CARMIL1: variants seen among roughly 807,000 people sequenced by gnomAD.
CARMIL1 encodes capping protein regulator and myosin 1 linker 1.
Under a neutral mutation model 177.1 loss-of-function variants are expected in CARMIL1, and 90 were observed. That is an observed-to-expected ratio of 0.51 (90% confidence interval 0.43 to 0.61). CARMIL1 has a LOEUF of 0.61. Ranked by LOEUF, CARMIL1 falls within the 20% of genes least tolerant of loss-of-function variation. The pLI is 0.00. For synonymous variants in CARMIL1, 577 were observed against 606.2 expected (o/e 0.95, Z 0.71); for missense variants, 1,380 against 1,667.0 (o/e 0.83, Z 3.00).
At chr6:25,492,593 T>C (rs1803353237) in intron 15 of CARMIL1, among the ~76,000 whole-genome samples, 1 of 152,210 alleles carries the variant, frequency 6.6e-6, no homozygotes, top group Non-Finnish European at 1.5e-5. Flanking sequence ...ATGGGTTAGA[T>C]AGGTATGGAA....
intron 32 of CARMIL1, among the ~76,000 whole-genome samples, chr6:25,598,193 T>A (rs1273937910): frequency 6.6e-6 from 1 of 152,120 alleles, no homozygotes; most frequent in Admixed American, 6.5e-5. Flanking sequence ...AAATTATTTC[T>A]TTCATAATTT....
At chr6:25,501,944 G>T (rs1804394860) in intron 17 of CARMIL1, among the ~76,000 whole-genome samples, 1 of 130,068 alleles carries the variant, frequency 7.7e-6, no homozygotes, top group Non-Finnish European at 1.6e-5. Flanking sequence ...TAACAGTCTT[G>T]TTGTTTTGAA....
chr6:25,504,378 T>C (rs1310916904), intron 17 of CARMIL1, among the ~76,000 whole-genome samples: 1 of 152,198 alleles, frequency 6.6e-6, no homozygotes, highest in Non-Finnish European at 1.5e-5. Flanking sequence ...ATAAGTTGGC[T>C]TGTAGGTTCT....
At chr6:25,472,880 CT>C (rs1268591762) in intron 11 of CARMIL1, among the ~76,000 whole-genome samples, 2 of 152,176 alleles carry the variant, frequency 1.3e-5, no homozygotes, top group Non-Finnish European at 2.9e-5. Context: ...TAGCTGGGTT[CT>C]GTGCTCTGGG....
intron 26 of CARMIL1, among the ~76,000 whole-genome samples, chr6:25,547,272 A>G (rs1305687755): frequency 6.6e-6 from 1 of 152,174 alleles, no homozygotes; most frequent in African/African-American, 2.4e-5. Flanking sequence ...TGATAATTCT[A>G]ATAGACATTC....
intron 31 of CARMIL1, among the ~76,000 whole-genome samples, chr6:25,590,560 G>T (rs1814195569): frequency 6.6e-6 from 1 of 151,996 alleles, no homozygotes; most frequent in Non-Finnish European, 1.5e-5. Flanking sequence ...AATAGAGATT[G>T]TCTCTTCCTC....
chr6:25,300,917 A>G (rs943107066), intron 2 of CARMIL1, among the ~76,000 whole-genome samples: 1 of 152,248 alleles, frequency 6.6e-6, no homozygotes, highest in Non-Finnish European at 1.5e-5. Flanking sequence ...AACCTGCTAT[A>G]TACAGAACTT....
intron 8 of CARMIL1, among the ~76,000 whole-genome samples, chr6:25,459,254 C>CT (rs1166150035): frequency 3.6e-5 from 4 of 110,180 alleles, no homozygotes; most frequent in Non-Finnish European, 5.5e-5. Context: ...TTCTTTCTTT[C>CT]TTTCTTTCTT....
intron 26 of CARMIL1, among the ~76,000 whole-genome samples, chr6:25,546,680 A>C (rs1179467833): frequency 1.2e-4 from 18 of 146,146 alleles, no homozygotes; most frequent in South Asian, 4.4e-4. Context: ...AAAAAAAAAA[A>C]AAAAAAAAAA....
chr6:25,440,567 G>C (rs1014558793), intron 5 of CARMIL1, among the ~76,000 whole-genome samples: 2 of 152,074 alleles, frequency 1.3e-5, no homozygotes, highest in African/African-American at 2.4e-5. Context: ...GAGGGGAAAC[G>C]TACAATTTTA....
intron 2 of CARMIL1, among the ~76,000 whole-genome samples, chr6:25,330,846 A>T (rs1785550502): frequency 6.7e-6 from 1 of 148,736 alleles, no homozygotes; most frequent in Non-Finnish European, 1.5e-5. Flanking sequence ...ATTGAGGAAG[A>T]TTGATCAATT....
intron 2 of CARMIL1, among the ~76,000 whole-genome samples, chr6:25,370,815 A>G (rs1018950205): frequency 6.6e-6 from 1 of 152,136 alleles, no homozygotes. Flanking sequence ...TTTTGGTTAC[A>G]CGGACAAATT....
intron 2 of CARMIL1, among the ~76,000 whole-genome samples, chr6:25,403,880 C>T (rs1794108064): frequency 6.6e-6 from 1 of 152,200 alleles, no homozygotes; most frequent in African/African-American, 2.4e-5. Flanking sequence ...CCTGTATAAT[C>T]TCCTTTGAAT....
intron 23 of CARMIL1, among the ~76,000 whole-genome samples, chr6:25,526,316 C>T (rs1807129391): frequency 6.6e-6 from 1 of 151,226 alleles, no homozygotes; most frequent in Admixed American, 6.6e-5. Context: ...GCCCTCCAGC[C>T]TGGGCGACAG....
chr6:25,296,651 A>G (rs1397658368), intron 2 of CARMIL1, among the ~76,000 whole-genome samples: 1 of 151,920 alleles, frequency 6.6e-6, no homozygotes, highest in Non-Finnish European at 1.5e-5. Context: ...CACTTGCAGA[A>G]TCTGAGCTAA....
chr6:25,584,901 A>G (rs764188760), intron 31 of CARMIL1, among the ~76,000 whole-genome samples: 37 of 152,234 alleles, frequency 2.4e-4, no homozygotes, highest in Non-Finnish European at 3.8e-4. Flanking sequence ...AACCTCATCA[A>G]TCTGTTCTAG....
At chr6:25,316,157 A>G (rs1784252046) in intron 2 of CARMIL1, among the ~76,000 whole-genome samples, 1 of 152,002 alleles carries the variant, frequency 6.6e-6, no homozygotes, top group South Asian at 2.1e-4. Flanking sequence ...AATGACCAGG[A>G]AGACAGAATT....
intron 33 of CARMIL1, 104 bp downstream of exon 33, chr6:25,600,850 A>G: frequency 6.8e-6 from 7 of 1,027,020 alleles, no homozygotes; most frequent in African/African-American, 3.2e-5. Flanking sequence ...ATCACCTTAA[A>G]CATTTAACTT....
At position 25,359,091 on chromosome 6, in the gene CARMIL1, G is replaced by C. The variant is rs553852223; in HGVS notation, c.139-61023G>C. Among the ~76,000 whole-genome samples the C allele has an allele frequency of 1.8e-4, 27 of 152,258 alleles. 1 individual carries two copies. Among genetic ancestry groups the C allele is most frequent in the Admixed American group, 1.4e-3 (22 of 15,290 alleles). ...TTTTTTCTGCCAAGATGGACACTGGGCACCATGGTCACAGGCTTCTTGGGT... is the reference window on the plus strand; with the variant it reads ...TTTTTTCTGCCAAGATGGACACTGGCCACCATGGTCACAGGCTTCTTGGGT... On this transcript the variant is annotated intron_variant, in intron 2 of 36. Coordinates refer to ENST00000329474, the MANE Select transcript of CARMIL1 (RefSeq NM_017640.6).
Sources: gnomAD v4.1 joint callset for allele counts (sites outside exome capture counted in the v4.1 genomes callset) on GRCh38, gnomAD v4.1.1 for gene constraint, MANE v1.5 for transcripts, NCBI Gene and HGNC (gene_info 2026-07-23, HGNC 2026-07-21) for gene names.